UBOX5: variants seen among roughly 807,000 people sequenced by gnomAD.
UBOX5 encodes U-box domain containing 5, also known as RING finger protein 37.
In UBOX5, 28 loss-of-function variants were observed where a neutral mutation model predicts 39.0. The ratio of observed to expected loss-of-function variants is 0.72; its 90% CI spans 0.53 to 0.98. The LOEUF (loss-of-function observed/expected upper bound fraction) is 0.98, where lower values mean the gene tolerates loss of function less well. Among genes scored for constraint, UBOX5 ranks in the 50% least tolerant of loss-of-function variants. The probability of loss-of-function intolerance (pLI) is 0.00; values close to 1 mark genes in which losing one functional copy is unlikely to be tolerated. For missense variants in UBOX5, 585 were observed against 674.4 expected (o/e 0.87, Z 1.47); for synonymous variants, 283 against 275.5 (o/e 1.03, Z -0.27).
chr20:3,137,569 G>C (rs975688731), intron 1 of UBOX5, among the ~76,000 whole-genome samples: 2 of 152,188 alleles, frequency 1.3e-5, no homozygotes, highest in African/African-American at 2.4e-5. Context: ...GTGCCTGGCT[G>C]TAACATCTTG....
At chr20:3,151,192 C>T (rs1434491038) in intron 1 of UBOX5, among the ~76,000 whole-genome samples, 1 of 152,162 alleles carries the variant, frequency 6.6e-6, no homozygotes, top group African/African-American at 2.4e-5. Context: ...CATCAGCCAC[C>T]ATGCCTGACC....
rs530753594 is a variant in UBOX5, at chr20:3,109,872, G to T, written c.*234C>A. The T allele has an allele frequency of 1.1e-4, 67 of 588,998 alleles. No homozygotes were observed. In the African/African-American group the frequency reaches 1.2e-3, roughly 10 times the overall value. The allele number at this position is 588,998 out of a possible 1,614,324, so 36.5% of individuals were successfully genotyped here. On this transcript the variant is annotated 3_prime_UTR_variant, in exon 5 of 5. Transcript: ENST00000217173. ...CAGTGGGTCCTGGGCTCAGGCAGGG[G>T]GGGTGGCAGGGAGGCAGGGACATCC...
At chr20:3,132,647 C>T (rs1337593636) in intron 1 of UBOX5, among the ~76,000 whole-genome samples, 2 of 151,256 alleles carry the variant, frequency 1.3e-5, no homozygotes, top group Admixed American at 6.6e-5. Context: ...GGCGAAATCC[C>T]GTCTCTACTA....
chr20:3,123,346 A>C lies in UBOX5; in HGVS notation c.20T>G (p.Leu7Arg). Residue 7 changes from leucine to arginine, a missense_variant, in exon 2 of 5, where the codon CTC becomes CGC. Leu to Arg is a moderately radical substitution (Grantham distance 102). Coordinates refer to ENST00000217173, the MANE Select transcript of UBOX5 (RefSeq NM_014948.4). Reference sequence around the variant, plus strand: ...GTGAATTCTTGGTCTGAACTGTGGGAGGCAAAGATTTATTACCATCTTTGT... The same window carrying C: ...GTGAATTCTTGGTCTGAACTGTGGGCGGCAAAGATTTATTACCATCTTTGT... Reference protein sequence around the residue: MVINLCLPQFRPRIHCN... With the variant: MVINLCRPQFRPRIHCN... The C allele has an allele frequency of 6.2e-7, 1 of 1,614,096 alleles. No individual in the cohort carries two copies. The highest frequency in any genetic ancestry group is 8.5e-7 in the Non-Finnish European group (1 of 1,180,000).
rs2066604074 is a variant in UBOX5, at chr20:3,149,587, T to C, written c.-42+10179A>G. 6.6e-6 allele frequency among the ~76,000 whole-genome samples: 1 copy of C among 152,212 alleles called. No homozygotes were observed. The highest frequency in any genetic ancestry group is 2.4e-5 in the African/African-American group (1 of 41,462). Reference sequence around the variant, plus strand: ...GATAGGAAGAAGGAAGGCAGATTTCTAGAAAGAAGGCTGGGAACAAAAGTG... The same window carrying C: ...GATAGGAAGAAGGAAGGCAGATTTCCAGAAAGAAGGCTGGGAACAAAAGTG... On this transcript the variant is annotated intron_variant, in intron 1 of 4. Coordinates refer to ENST00000217173, the MANE Select transcript of UBOX5 (RefSeq NM_014948.4). The surrounding 1 kb of genome is among the most constrained non-coding windows in gnomAD (Gnocchi z 4.1).
At chr20:3,114,090 C>T (rs796820353) in intron 4 of UBOX5, among the ~76,000 whole-genome samples, 18 of 152,190 alleles carry the variant, frequency 1.2e-4, no homozygotes, top group African/African-American at 4.1e-4. Flanking sequence ...GCTGAAATCG[C>T]GCCATCGCAC....
chr20:3,132,970 T>A (rs186916205), intron 1 of UBOX5, among the ~76,000 whole-genome samples: 12,732 of 149,428 alleles, frequency 0.085, 595 homozygotes, highest in Middle Eastern at 0.13. Flanking sequence ...AAAAAAAAAA[T>A]TAAATAATTA....
chr20:3,138,184 A>T (rs2066487562), intron 1 of UBOX5, among the ~76,000 whole-genome samples: 1 of 151,994 alleles, frequency 6.6e-6, no homozygotes, highest in Non-Finnish European at 1.5e-5. Context: ...GAGGTGAGAG[A>T]ATGGCTTGAA....
intron 3 of UBOX5, among the ~76,000 whole-genome samples, chr20:3,115,748 C>G (rs937840758): frequency 7.0e-6 from 1 of 142,870 alleles, no homozygotes; most frequent in Non-Finnish European, 1.5e-5. Flanking sequence ...CAGAACTGCA[C>G]GCTCCTTTTT....
intron 1 of UBOX5, among the ~76,000 whole-genome samples, chr20:3,126,196 C>CTA (rs1348376438): frequency 6.6e-6 from 1 of 152,168 alleles, no homozygotes; most frequent in East Asian, 1.9e-4. Context: ...TGCTGTTAAT[C>CTA]TATAACCTTA....
chr20:3,119,773 G>A (rs1316113556), intron 3 of UBOX5, among the ~76,000 whole-genome samples: 3 of 152,082 alleles, frequency 2.0e-5, no homozygotes, highest in African/African-American at 7.2e-5. Context: ...AGAATTGCTT[G>A]AAGCTGCGAG....
intron 1 of UBOX5, chr20:3,150,799 T>C (rs1220721182): frequency 1.3e-5 from 2 of 152,230 alleles, no homozygotes; most frequent in Non-Finnish European, 2.9e-5. Context: ...GGCAGGAACA[T>C]ATGTATGAAT....
intron 3 of UBOX5, among the ~76,000 whole-genome samples, chr20:3,120,345 C>CAAAA (rs35882932): frequency 4.2e-5 from 3 of 70,998 alleles, no homozygotes; most frequent in African/African-American, 1.5e-4. Flanking sequence ...GACTCCATCT[C>CAAAA]AAAAAAAAAA....
chr20:3,136,822 A>AT (rs1297532509), intron 1 of UBOX5, among the ~76,000 whole-genome samples: 4 of 150,998 alleles, frequency 2.6e-5, no homozygotes, highest in African/African-American at 9.7e-5. Context: ...TGCCCAGCTA[A>AT]TTTTTTGTAT....
chr20:3,147,212 T>C lies in UBOX5; in HGVS notation c.-42+12554A>G, dbSNP rs752882767. ...ATCATCTGTAAGGCTGACTCCCACA[T>C]GCTCAAGCCTTAATTTGGCTACATT... is the stretch of plus-strand genomic sequence containing the variant. On this transcript the variant is annotated intron_variant, in intron 1 of 4. Transcript: ENST00000217173. The C allele has an allele frequency of 2.5e-6, 4 of 1,614,094 alleles. No individual in the cohort carries two copies. The highest frequency in any genetic ancestry group is 1.3e-5 in the African/African-American group (1 of 74,942).
At chr20:3,146,731 A>G (rs779762624) in intron 1 of UBOX5, 4 of 1,560,488 alleles carry the variant, frequency 2.6e-6, no homozygotes, top group South Asian at 2.5e-5. Context: ...CACCTGGTAC[A>G]GTATACACCT....
rs1255389433 is a variant in UBOX5 at position 3,121,387 on chromosome 20, T to C, written c.1252A>G (p.Thr418Ala). The change falls in exon 3 of 5, where the codon ACA (threonine) becomes GCA (alanine). Residue 418 changes from threonine to alanine, a missense_variant. By Grantham distance (58) the Thr-to-Ala change is moderately conservative. Transcript: ENST00000217173. ...CGGACACAGGATGCTGAATTACCTGTCGAGCAGTCCATATGTGTCAGGCTG... is the reference window on the plus strand; with the variant it reads ...CGGACACAGGATGCTGAATTACCTGCCGAGCAGTCCATATGTGTCAGGCTG... ...EPSLTHMDCS[T>A]GPLSHEQKLS... is the part of the protein sequence containing the mutation. 6.2e-7 allele frequency: 1 copy of C among 1,606,962 alleles called. No homozygotes were observed. Among genetic ancestry groups the C allele is most frequent in the Non-Finnish European group, 8.5e-7 (1 of 1,176,182 alleles).
chr20:3,130,104 G>T (rs939119535), intron 1 of UBOX5, among the ~76,000 whole-genome samples: 2 of 151,970 alleles, frequency 1.3e-5, no homozygotes, highest in African/African-American at 4.8e-5. Flanking sequence ...ATGGTGGCAT[G>T]TGTCCGTAGT....
At chr20:3,139,292 C>A (rs536092152) in intron 1 of UBOX5, among the ~76,000 whole-genome samples, 1 of 152,318 alleles carries the variant, frequency 6.6e-6, no homozygotes, top group East Asian at 1.9e-4. Flanking sequence ...AAGAAGCCTG[C>A]AGTTTTATAC....
Sources: allele counts gnomAD v4.1 joint callset (sites outside exome capture counted in the v4.1 genomes callset), GRCh38; gene constraint gnomAD v4.1.1; non-coding constraint Gnocchi (gnomAD v3.1); transcripts MANE v1.5; gene names NCBI Gene and HGNC (gene_info 2026-07-23, HGNC 2026-07-21).